Variants in CARMIL1 observed in about 807,000 individuals in gnomAD.
The protein encoded by CARMIL1 is capping protein regulator and myosin 1 linker 1.
A neutral mutation model predicts 177.1 loss-of-function variants in CARMIL1; 90 were observed. The observed-to-expected ratio is 0.51, with a 90% confidence interval of 0.43 to 0.61. The LOEUF is 0.61. CARMIL1 is among the 20% of genes least tolerant of loss of function. The pLI, the probability that CARMIL1 is intolerant of heterozygous loss-of-function variation, is 0.00. For synonymous variants in CARMIL1, 577 were observed against 606.2 expected (o/e 0.95, Z 0.71); for missense variants, 1,380 against 1,667.0 (o/e 0.83, Z 3.00).
At chr6:25,448,631 T>A (rs1488507730) in intron 5 of CARMIL1, among the ~76,000 whole-genome samples, 1 of 152,206 alleles carries the variant, frequency 6.6e-6, no homozygotes, top group Non-Finnish European at 1.5e-5. Flanking sequence ...GCCCTCGCTT[T>A]CGCCCTGAAC....
rs373180100 is a variant in CARMIL1, at chr6:25,457,376, T to C, written c.614+6665T>C. Among the ~76,000 whole-genome samples, 77 of 152,310 alleles carry C rather than the reference T, an allele frequency of 5.1e-4. 1 individual carries two copies. In the South Asian group the frequency reaches 0.015, roughly 30 times the overall value. On this transcript the variant is annotated intron_variant, in intron 8 of 36. Transcript: ENST00000329474. ...AATGATCAAAAAATATAGAGACCAC[T>C]CATTTAGGCCTCTAGGAATGTCCTC...
intron 2 of CARMIL1, among the ~76,000 whole-genome samples, chr6:25,339,556 C>T (rs1786677551): frequency 6.6e-6 from 1 of 152,182 alleles, no homozygotes; most frequent in Non-Finnish European, 1.5e-5. Flanking sequence ...CTCAGATATT[C>T]TTCCTTGAGT....
chr6:25,592,233 A>G (rs1347199367), intron 31 of CARMIL1, among the ~76,000 whole-genome samples: 1 of 152,192 alleles, frequency 6.6e-6, no homozygotes, highest in African/African-American at 2.4e-5. Flanking sequence ...GTAGGATAGT[A>G]CTATCTCTTT....
intron 2 of CARMIL1, among the ~76,000 whole-genome samples, chr6:25,345,166 A>G (rs1193355403): frequency 6.6e-6 from 1 of 151,786 alleles, no homozygotes; most frequent in Non-Finnish European, 1.5e-5. Context: ...GTCAGGACCC[A>G]CTCCCTTCTT....
intron 32 of CARMIL1, among the ~76,000 whole-genome samples, chr6:25,595,611 C>G (rs1054762324): frequency 6.6e-6 from 1 of 152,136 alleles, no homozygotes; most frequent in Non-Finnish European, 1.5e-5. Context: ...CCCACCCCCC[C>G]GAATTAATTG....
chr6:25,346,562 T>C (rs1157067313), intron 2 of CARMIL1, among the ~76,000 whole-genome samples: 3 of 152,240 alleles, frequency 2.0e-5, no homozygotes, highest in Admixed American at 6.5e-5. Flanking sequence ...ATAGAGTATA[T>C]GTTTTGTTGA....
intron 2 of CARMIL1, among the ~76,000 whole-genome samples, chr6:25,314,407 A>G (rs558534137): frequency 6.7e-6 from 1 of 148,814 alleles, no homozygotes; most frequent in South Asian, 2.1e-4. Context: ...CGGGAGGCAG[A>G]GGTTGCAGTG....
chr6:25,322,305 T>G (rs1784747210), intron 2 of CARMIL1, among the ~76,000 whole-genome samples: 1 of 151,926 alleles, frequency 6.6e-6, no homozygotes, highest in Non-Finnish European at 1.5e-5. Flanking sequence ...GTATTTTTAG[T>G]AGAGACAGGG....
chr6:25,563,258 A>G (rs1228898943), intron 29 of CARMIL1: 2 of 985,338 alleles, frequency 2.0e-6, no homozygotes. Context: ...CGTTTCGTTT[A>G]TGTCAAAAAA....
intron 36 of CARMIL1, among the ~76,000 whole-genome samples, chr6:25,611,465 T>C (rs562839388): frequency 1.3e-5 from 2 of 152,328 alleles, no homozygotes; most frequent in East Asian, 3.9e-4. Flanking sequence ...TCTCTGACAG[T>C]CCAGTTCTCA....
intron 33 of CARMIL1, among the ~76,000 whole-genome samples, chr6:25,602,473 C>T (rs1815514255): frequency 1.3e-5 from 2 of 152,120 alleles, no homozygotes; most frequent in South Asian, 4.1e-4. Flanking sequence ...GTGTTTTATT[C>T]ATGTACTTTG....
In CARMIL1 at chr6:25,279,755, A is replaced by C. The variant is rs759344541; in HGVS notation, c.-41A>C. The C allele has an allele frequency of 2.5e-6, 4 of 1,605,832 alleles. No individual in the cohort carries two copies. Among genetic ancestry groups the C allele is most frequent in the Non-Finnish European group, 3.4e-6 (4 of 1,172,612 alleles). ...GGGGAAGGGCAGGGGGCCATAAATCAGAGTTGGACCTGCAATAACCCCCAC... is the reference window on the plus strand; with the variant it reads ...GGGGAAGGGCAGGGGGCCATAAATCCGAGTTGGACCTGCAATAACCCCCAC... On this transcript the variant is annotated 5_prime_UTR_variant, in exon 1 of 37. Transcript: ENST00000329474.
chr6:25,489,920 G>T (rs1803030918), intron 13 of CARMIL1, among the ~76,000 whole-genome samples: 1 of 152,176 alleles, frequency 6.6e-6, no homozygotes, highest in Admixed American at 6.5e-5. Context: ...CAAAGTAGAA[G>T]AATAGAGGGA....
At chr6:25,510,463 A>G (rs1805357522) in intron 18 of CARMIL1, 44 bp from the exon 19 acceptor site, 2 of 1,162,338 alleles carry the variant, frequency 1.7e-6, no homozygotes, top group African/African-American at 3.1e-5. Context: ...AAATTAATTT[A>G]TACACATGTG....
At chr6:25,514,231 A>G (rs949666494) in intron 20 of CARMIL1, among the ~76,000 whole-genome samples, 1 of 152,286 alleles carries the variant, frequency 6.6e-6, no homozygotes, top group Admixed American at 6.5e-5. Flanking sequence ...TGGATTCACC[A>G]TACAGCTTAT....
chr6:25,559,377 G>A (rs560515773), intron 29 of CARMIL1, among the ~76,000 whole-genome samples: 9 of 152,292 alleles, frequency 5.9e-5, no homozygotes, highest in African/African-American at 1.4e-4. Context: ...CATTTAATTC[G>A]TGATGGTTTT....
chr6:25,340,638 G>A (rs562648128), intron 2 of CARMIL1, among the ~76,000 whole-genome samples: 2 of 152,096 alleles, frequency 1.3e-5, no homozygotes, highest in African/African-American at 4.8e-5. Context: ...GTTGGCCACA[G>A]GAGCATTAAT....
chr6:25,438,524 TA>T (rs1168674583), intron 5 of CARMIL1, among the ~76,000 whole-genome samples: 1 of 152,208 alleles, frequency 6.6e-6, no homozygotes, highest in African/African-American at 2.4e-5. Context: ...TCAACAGACC[TA>T]GGGGAAGAGA....
intron 26 of CARMIL1, among the ~76,000 whole-genome samples, chr6:25,543,969 T>C (rs373705751): frequency 2.0e-5 from 3 of 152,122 alleles, no homozygotes; most frequent in Admixed American, 6.5e-5. Context: ...GTAAGAAATA[T>C]AGACCCTCAT....
Sources: allele counts gnomAD v4.1 joint callset (sites outside exome capture counted in the v4.1 genomes callset), GRCh38; gene constraint gnomAD v4.1.1; transcripts MANE v1.5; gene names NCBI Gene and HGNC (gene_info 2026-07-23, HGNC 2026-07-21).